Variants in PHF20 observed in about 807,000 individuals in gnomAD.
PHF20 encodes glioma-expressed antigen 2.
PHF20 carries 23 observed loss-of-function variants against 113.5 expected under a neutral mutation model. That is an observed-to-expected ratio of 0.20 (90% CI 0.15 to 0.29). The LOEUF is 0.29. Among genes scored for constraint, PHF20 ranks in the 10% least tolerant of loss-of-function variants. PHF20 has a pLI of 1.00. For synonymous variants in PHF20, 434 were observed against 457.3 expected, an observed-to-expected ratio of 0.95 and a Z score of 0.65; for missense variants, 943 against 1,219.6, an observed-to-expected ratio of 0.77 and a Z score of 3.38.
chr20:35,857,580 T>TTG (rs1291432046), intron 4 of PHF20, among the ~76,000 whole-genome samples: 97 of 143,626 alleles, frequency 6.8e-4, no homozygotes, highest in African/African-American at 2.4e-3. Flanking sequence ...TTTTTTTTTT[T>TTG]TTTTTTGTTT....
At chr20:35,924,106 G>A (rs923861435) in intron 13 of PHF20, among the ~76,000 whole-genome samples, 13 of 151,586 alleles carry the variant, frequency 8.6e-5, no homozygotes, top group African/African-American at 2.4e-4. Flanking sequence ...GTGATGTTAA[G>A]TACATTCACA....
intron 2 of PHF20, among the ~76,000 whole-genome samples, chr20:35,821,935 A>G (rs1450185538): frequency 6.6e-6 from 1 of 152,208 alleles, no homozygotes; most frequent in Admixed American, 6.5e-5. Context: ...GAATTACCAC[A>G]TGCTGAAATG....
chr20:35,882,724 T>C (rs1275518261), intron 9 of PHF20, among the ~76,000 whole-genome samples: 1 of 152,180 alleles, frequency 6.6e-6, no homozygotes, highest in Non-Finnish European at 1.5e-5. Context: ...CCCTATCTTC[T>C]TTCACAATTA....
chr20:35,913,530 T>G (rs2055347057), intron 11 of PHF20, among the ~76,000 whole-genome samples, 183 bp downstream of exon 11: 1 of 152,206 alleles, frequency 6.6e-6, no homozygotes, highest in Non-Finnish European at 1.5e-5. Flanking sequence ...CACCCAGGTG[T>G]TACAAAGTCC....
intron 4 of PHF20, among the ~76,000 whole-genome samples, chr20:35,849,750 C>T (rs1039083789): frequency 7.3e-5 from 11 of 151,588 alleles, no homozygotes; most frequent in African/African-American, 2.7e-4. Flanking sequence ...AGAAGCTCTG[C>T]CGGCAAGGCG....
intron 2 of PHF20, among the ~76,000 whole-genome samples, chr20:35,839,014 A>G (rs1439646639): frequency 6.7e-6 from 1 of 149,830 alleles, no homozygotes; most frequent in Admixed American, 6.7e-5. Context: ...AAAAAAAGTG[A>G]TTTCCGTGTA....
At chr20:35,895,455 G>T (rs1251544511) in intron 9 of PHF20, among the ~76,000 whole-genome samples, 1 of 152,156 alleles carries the variant, frequency 6.6e-6, no homozygotes, top group Admixed American at 6.5e-5. Context: ...ACTGCACAGG[G>T]TTCCAGCCTT....
intron 3 of PHF20, among the ~76,000 whole-genome samples, chr20:35,846,701 A>G (rs1340197013): frequency 1.3e-5 from 2 of 152,132 alleles, no homozygotes; most frequent in Non-Finnish European, 2.9e-5. Context: ...TGGAATTATC[A>G]TCAGTGCTGT....
intron 2 of PHF20, among the ~76,000 whole-genome samples, chr20:35,806,438 A>G (rs62211717): frequency 2.0e-5 from 3 of 151,892 alleles, no homozygotes; most frequent in Non-Finnish European, 2.9e-5. Context: ...TGGGATTACA[A>G]GCGTGAGTCA....
At chr20:35,834,621 G>A (rs1017368100) in intron 2 of PHF20, among the ~76,000 whole-genome samples, 2 of 152,024 alleles carry the variant, frequency 1.3e-5, no homozygotes, top group African/African-American at 2.4e-5. Flanking sequence ...TTGTGGAGAG[G>A]AGTGGGAAAT....
intron 3 of PHF20, among the ~76,000 whole-genome samples, chr20:35,846,292 G>A (rs2042622756): frequency 6.6e-6 from 1 of 151,560 alleles, no homozygotes; most frequent in Non-Finnish European, 1.5e-5. Flanking sequence ...TGATTCTCCT[G>A]CCTCAGCCAT....
chr20:35,930,345 G>C (rs1473496472), intron 14 of PHF20, among the ~76,000 whole-genome samples: 1 of 152,198 alleles, frequency 6.6e-6, no homozygotes, highest in African/African-American at 2.4e-5. Flanking sequence ...AGAAACAGAA[G>C]TTAAAACAAG....
chr20:35,873,531 C>T (rs147621929), intron 9 of PHF20, among the ~76,000 whole-genome samples: 592 of 137,522 alleles, frequency 4.3e-3, no homozygotes, highest in African/African-American at 0.015. Context: ...TGCAGTGGTG[C>T]GATTTCTGCT....
At chr20:35,921,145 A>G (rs997866751) in intron 13 of PHF20, among the ~76,000 whole-genome samples, 3 of 152,156 alleles carry the variant, frequency 2.0e-5, no homozygotes, top group Admixed American at 6.6e-5. Flanking sequence ...GCACATGGCC[A>G]TTGTCAGGGT....
At chr20:35,824,480 G>C (rs974440380) in intron 2 of PHF20, among the ~76,000 whole-genome samples, 1 of 151,810 alleles carries the variant, frequency 6.6e-6, no homozygotes, top group Admixed American at 6.6e-5. Flanking sequence ...GGTGGCATGT[G>C]CCTGTAGTCC....
At chr20:35,946,293 G>T (rs941964756) in intron 17 of PHF20, among the ~76,000 whole-genome samples, 1 of 152,160 alleles carries the variant, frequency 6.6e-6, no homozygotes, top group Non-Finnish European at 1.5e-5. Context: ...AATTCGCCGG[G>T]CGTGGTGGCA....
intron 2 of PHF20, among the ~76,000 whole-genome samples, chr20:35,809,238 G>C (rs2041935677): frequency 6.6e-6 from 1 of 150,992 alleles, no homozygotes. Context: ...ACAGAGCAAA[G>C]CTCTGTCTTG....
chr20:35,937,405 T>A (rs2055885246), intron 15 of PHF20, among the ~76,000 whole-genome samples: 1 of 149,804 alleles, frequency 6.7e-6, no homozygotes. Context: ...GAGGTGGAGG[T>A]TGTGGTGAGC....
intron 1 of PHF20, among the ~76,000 whole-genome samples, chr20:35,784,213 C>G (rs936097732): frequency 6.6e-6 from 1 of 151,586 alleles, no homozygotes; most frequent in Non-Finnish European, 1.5e-5. Flanking sequence ...GCCACCACGC[C>G]CGGCTAATTT....
Sources: gnomAD v4.1 joint callset for allele counts (sites outside exome capture counted in the v4.1 genomes callset) on GRCh38, gnomAD v4.1.1 for gene constraint, MANE v1.5 for transcripts, NCBI Gene and HGNC (gene_info 2026-07-23, HGNC 2026-07-21) for gene names.